Variants in TBCE observed in about 807,000 individuals in gnomAD.
TBCE encodes the protein tubulin-specific chaperone E.
In TBCE, 53 loss-of-function variants were observed where a neutral mutation model predicts 77.0. The observed-to-expected ratio is 0.69, with a 90% confidence interval of 0.55 to 0.87. The LOEUF (loss-of-function observed/expected upper bound fraction) is 0.87, where lower values mean the gene tolerates loss of function less well. TBCE is among the 40% of genes least tolerant of loss of function. TBCE has a pLI of 0.00. For synonymous variants in TBCE, 235 were observed against 241.3 expected (o/e 0.97, Z 0.24); for missense variants, 624 against 622.4 (o/e 1.00, Z -0.03).
Position 235,441,851 on chromosome 1 carries a change from G to T in TBCE, c.1308G>T (p.Gln436His). The change falls in exon 14 of 17, where the codon CAG becomes CAT. Residue 436 changes from glutamine (Q) to histidine (H), a missense_variant. Coordinates refer to ENST00000642610, the MANE Select transcript of TBCE (RefSeq NM_003193.5). ...GAPEDWELKT[Q>H]QPLMLKNQLL... Reference sequence around the variant, plus strand: ...CTGAAGATTGGGAACTCAAAACACAGCAACCACTTATGCTGAAAAACCAGC... The same window carrying T: ...CTGAAGATTGGGAACTCAAAACACATCAACCACTTATGCTGAAAAACCAGC... The T allele has an allele frequency of 6.2e-7, 1 of 1,614,024 alleles. No homozygotes were observed. The highest frequency in any genetic ancestry group is 8.5e-7 in the Non-Finnish European group (1 of 1,179,998).
Position 235,452,272 on chromosome 1 carries a change from C to G in TBCE, c.*3510C>G, listed in dbSNP as rs1682952052. On this transcript the variant is annotated 3_prime_UTR_variant, in exon 17 of 17. Transcript: ENST00000642610. ...CTCATGATCTGCCCGCCTCGGCCTT[C>G]TGTTGTTAAGTTTTAAAGCTGCAAA... is the stretch of plus-strand genomic sequence containing the variant. The G allele has an allele frequency of 6.6e-6, 1 of 152,178 alleles. No individual in the cohort carries two copies. The highest frequency in any genetic ancestry group is 6.5e-5 in the Admixed American group (1 of 15,278). The allele number at this position is 152,178 out of a possible 1,614,324, so 9.4% of individuals were successfully genotyped here.
intron 13 of TBCE, chr1:235,440,843 G>C (rs1180837569): frequency 6.6e-6 from 1 of 152,238 alleles, no homozygotes; most frequent in Admixed American, 6.5e-5. Context: ...CCTCCAGCCT[G>C]GTTCTTCAGG....
chr1:235,431,287 A>G (rs1304455847), intron 7 of TBCE, among the ~76,000 whole-genome samples: 1 of 151,884 alleles, frequency 6.6e-6, no homozygotes, highest in African/African-American at 2.4e-5. Flanking sequence ...GCACAGCAGC[A>G]TTTGGGACTT....
chr1:235,402,171 C>T (rs61521394), intron 3 of TBCE, among the ~76,000 whole-genome samples: 3,050 of 151,082 alleles, frequency 0.02, 113 homozygotes, highest in African/African-American at 0.071. Context: ...TCAAGCAATT[C>T]TCCTGCCTCA....
rs78324699 is a variant in TBCE, at chr1:235,433,883, T to C, written c.661-321T>C. On this transcript the variant is annotated intron_variant, in intron 7 of 16. Coordinates refer to ENST00000642610, the MANE Select transcript of TBCE (RefSeq NM_003193.5). ...ATTTACTTATTTTGGTTAAGCAAAT[T>C]CTATCAAATAATAATATGTGCAGTT... 1,513 of 315,022 alleles carry C rather than the reference T, an allele frequency of 4.8e-3. 22 individuals are homozygous for C. Among genetic ancestry groups the C allele is most frequent in the African/African-American group, 0.03 (1,426 of 47,856 alleles). The allele number at this position is 315,022 out of a possible 1,614,324, so 19.5% of individuals were successfully genotyped here.
At chr1:235,411,350 A>C (rs1385835020) in intron 3 of TBCE, among the ~76,000 whole-genome samples, 1 of 152,194 alleles carries the variant, frequency 6.6e-6, no homozygotes, top group African/African-American at 2.4e-5. Context: ...ACACCATTCC[A>C]GTTGAAGCCT....
At chr1:235,405,691 G>A (rs1679386282) in intron 3 of TBCE, among the ~76,000 whole-genome samples, 1 of 151,882 alleles carries the variant, frequency 6.6e-6, no homozygotes, top group Non-Finnish European at 1.5e-5. Context: ...AAAAAGTATA[G>A]TATAGTGAAC....
At chr1:235,439,423 G>A (rs983632443) in intron 13 of TBCE, among the ~76,000 whole-genome samples, 12 of 149,188 alleles carry the variant, frequency 8.0e-5, no homozygotes, top group African/African-American at 2.5e-4. Context: ...GTGAACCCGG[G>A]GGGCGGAGCT....
chr1:235,397,297 G>A (rs1006959147), intron 2 of TBCE, among the ~76,000 whole-genome samples: 5 of 151,118 alleles, frequency 3.3e-5, no homozygotes, highest in African/African-American at 1.2e-4. Context: ...CGCCTCCTGG[G>A]TTCACGCCAT....
rs778022077 is a variant in TBCE at position 235,450,367 on chromosome 1, TGA to T, written c.*1609_*1610del. 1.3e-5 allele frequency: 21 copies of T among 1,611,296 alleles called. No homozygotes were observed. Among genetic ancestry groups the T allele is most frequent in the Non-Finnish European group, 1.4e-5 (17 of 1,177,916 alleles). ...TGTTGAGAAACAACCAAAGCCGATC[TGA>T]GAGTGGTGAAACTGTTTTAAGAGCA... On this transcript the variant is annotated 3_prime_UTR_variant, in exon 17 of 17. Transcript: ENST00000642610.
chr1:235,369,340 CT>C (rs1225318805), intron 1 of TBCE, among the ~76,000 whole-genome samples: 1 of 151,746 alleles, frequency 6.6e-6, no homozygotes, highest in Non-Finnish European at 1.5e-5. Context: ...AACCCCGTCT[CT>C]ACTAAAAATA....
chr1:235,412,797 AATTATT>A (rs71853087), intron 3 of TBCE, among the ~76,000 whole-genome samples: 25,818 of 151,758 alleles, frequency 0.17, 3,096 homozygotes, highest in African/African-American at 0.35. Context: ...CATCCTTTTC[AATTATT>A]ATTATTATTA....
rs10524346 is a variant in TBCE, at chr1:235,380,161, T to TTGTGTGTG, written c.100+58_100+65dup. The TTGTGTGTG allele has an allele frequency of 1.7e-5, 19 of 1,138,756 alleles. No homozygotes were observed. In the East Asian group the frequency reaches 3.1e-4, roughly 19 times the overall value. 70.5% of individuals were successfully genotyped at this position (1,138,756 alleles called of 1,614,324 possible). The stretch of plus-strand genomic sequence containing the variant: ...CCCTCCCGTGGCAGGTAAGCAATTA[T>TTGTGTGTG]TGTGTGTGTGTGTGTGTGTGTGTGT... On this transcript the variant is annotated intron_variant, in intron 2 of 16. Coordinates refer to ENST00000642610, the MANE Select transcript of TBCE (RefSeq NM_003193.5).
At chr1:235,430,569 T>G (rs1681028329) in intron 6 of TBCE, 136 bp from the exon 7 acceptor site, 1 of 649,070 alleles carries the variant, frequency 1.5e-6, no homozygotes, top group Admixed American at 2.9e-5. Context: ...AAAGTGATTT[T>G]TAAAATATAA....
At position 235,427,189 on chromosome 1, in the gene TBCE, A is replaced by AGT; in HGVS notation, c.512_513dup (p.Ile172Ter). 1 of 1,614,102 alleles carries AGT rather than the reference A, an allele frequency of 6.2e-7. No homozygotes were observed. The highest frequency in any genetic ancestry group is 8.5e-7 in the Non-Finnish European group (1 of 1,180,012). The stretch of plus-strand genomic sequence containing the variant: ...AAAACCTGTTGTCATCATGGGATGA[A>AGT]GTGATACACATTGCTGATCAGCTCA... On this transcript the variant is annotated frameshift_variant, in exon 6 of 17. Transcript: ENST00000642610. LOFTEE classifies it high-confidence loss of function.
chr1:235,404,268 C>T (rs993437241), intron 3 of TBCE, among the ~76,000 whole-genome samples: 1 of 140,688 alleles, frequency 7.1e-6, no homozygotes, highest in African/African-American at 2.6e-5. Flanking sequence ...CAGAGCAAGA[C>T]TCCGGCTCAA....
At chr1:235,419,115 G>T (rs1680254642) in intron 4 of TBCE, 3 of 339,842 alleles carry the variant, frequency 8.8e-6, no homozygotes, top group South Asian at 7.8e-5. Context: ...GCTGAGGCAG[G>T]AGAATCACCT....
intron 5 of TBCE, among the ~76,000 whole-genome samples, chr1:235,422,651 G>A (rs1221392663): frequency 2.6e-5 from 4 of 152,128 alleles, no homozygotes; most frequent in Non-Finnish European, 5.9e-5. Context: ...CCAACGCGGT[G>A]AAACCCCATC....
In TBCE at chr1:235,412,838, T is replaced by C. The variant is rs576363480; in HGVS notation, c.186-1595T>C. Among the ~76,000 whole-genome samples the C allele has an allele frequency of 7.9e-5, 12 of 152,272 alleles. 1 individual carries two copies. The South Asian group carries it at 2.5e-3, about 32-fold the overall frequency. On this transcript the variant is annotated intron_variant, in intron 3 of 16. Coordinates refer to ENST00000642610, the MANE Select transcript of TBCE (RefSeq NM_003193.5). ...ATTTTTTTGAGATGGAGTTTTGCTCTTGTTGCCCAGGCTGGAGTGCAATGG... is the reference window on the plus strand; with the variant it reads ...ATTTTTTTGAGATGGAGTTTTGCTCCTGTTGCCCAGGCTGGAGTGCAATGG...
Sources: gnomAD v4.1 joint callset for allele counts (sites outside exome capture counted in the v4.1 genomes callset) on GRCh38, gnomAD v4.1.1 for gene constraint, MANE v1.5 for transcripts, NCBI Gene and HGNC (gene_info 2026-07-23, HGNC 2026-07-21) for gene names.